KIF13A: variants seen among roughly 807,000 people sequenced by gnomAD.
The protein encoded by KIF13A is kinesin family member 13A.
Under a neutral mutation model 212.2 loss-of-function variants are expected in KIF13A, and 79 were observed. The ratio of observed to expected loss-of-function variants is 0.37; its 90% CI spans 0.31 to 0.45. The LOEUF is 0.45. Among genes scored for constraint, KIF13A ranks in the 20% least tolerant of loss-of-function variants. The pLI, the probability that KIF13A is intolerant of heterozygous loss-of-function variation, is 1.00. For missense variants in KIF13A, 1,901 were observed against 2,209.0 expected (o/e 0.86, Z 2.79); for synonymous variants, 789 against 808.6 (o/e 0.98, Z 0.41).
downstream of KIF13A, among the ~76,000 whole-genome samples, chr6:17,761,868 C>T (rs1045297888): frequency 6.6e-6 from 1 of 152,104 alleles, no homozygotes; most frequent in African/African-American, 2.4e-5. Flanking sequence ...TGTTGCTCCT[C>T]TTCCCTCTTC....
intron 20 of KIF13A, among the ~76,000 whole-genome samples, chr6:17,802,913 A>AT (rs58703798): frequency 0.38 from 55,073 of 144,130 alleles, 11,357 homozygotes; most frequent in East Asian, 0.6. Context: ...TGCCTGGTTA[A>AT]TTTTTTTGTG....
rs1410400980 is a variant in KIF13A, at chr6:17,961,874, T to A, written c.146+25180A>T. ...CTCTGTATTCTAGGGTGCTTAGTGT[T>A]TGGTTGGCAACATTGTCTATTTTCC... is the stretch of plus-strand genomic sequence containing the variant. On this transcript the variant is annotated intron_variant, in intron 2 of 38. Coordinates refer to ENST00000259711, the MANE Select transcript of KIF13A (RefSeq NM_022113.6). The surrounding 1 kb of genome is among the most constrained non-coding windows in gnomAD (Gnocchi z 4.1). 6.6e-6 allele frequency among the ~76,000 whole-genome samples: 1 copy of A among 152,194 alleles called. No homozygotes were observed. Among genetic ancestry groups the A allele is most frequent in the Non-Finnish European group, 1.5e-5 (1 of 68,042 alleles).
chr6:17,798,153 A>C (rs1432746437), intron 22 of KIF13A, among the ~76,000 whole-genome samples: 1 of 152,186 alleles, frequency 6.6e-6, no homozygotes, highest in East Asian at 1.9e-4. Flanking sequence ...CCAGAATTTA[A>C]GAAGAAAAAG....
At chr6:17,940,738 C>T (rs886906000) in intron 2 of KIF13A, among the ~76,000 whole-genome samples, 3 of 152,154 alleles carry the variant, frequency 2.0e-5, no homozygotes, top group African/African-American at 7.2e-5. Flanking sequence ...ACACATTTTC[C>T]CCCATAACAA....
intron 2 of KIF13A, among the ~76,000 whole-genome samples, chr6:17,920,955 TA>T (rs991630674): frequency 2.0e-5 from 3 of 152,050 alleles, no homozygotes; most frequent in African/African-American, 7.2e-5. Flanking sequence ...AGTTTGCCCT[TA>T]AAGGGTCATA....
intron 2 of KIF13A, among the ~76,000 whole-genome samples, chr6:17,933,597 G>C (rs773553537): frequency 3.3e-5 from 5 of 151,976 alleles, no homozygotes; most frequent in Non-Finnish European, 7.4e-5. Context: ...ACATAAGAAG[G>C]AGTAGAAATC....
At chr6:17,973,971 A>G (rs1414480502) in intron 2 of KIF13A, among the ~76,000 whole-genome samples, 2 of 152,260 alleles carry the variant, frequency 1.3e-5, no homozygotes, top group Non-Finnish European at 1.5e-5. Context: ...TTGCATTTAG[A>G]TAAGTTAGGT....
intron 2 of KIF13A, among the ~76,000 whole-genome samples, chr6:17,974,370 G>A (rs1780088016): frequency 6.6e-6 from 1 of 152,168 alleles, no homozygotes; most frequent in Non-Finnish European, 1.5e-5. Context: ...GAGCCACTGC[G>A]CCCGGCGGGA....
chr6:17,884,336 T>C (rs1261793024), intron 3 of KIF13A, among the ~76,000 whole-genome samples: 2 of 152,236 alleles, frequency 1.3e-5, no homozygotes. Flanking sequence ...CATTATGTAC[T>C]GATGGACTTC....
At chr6:17,981,597 G>C (rs2150642068) in intron 2 of KIF13A, among the ~76,000 whole-genome samples, 1 of 151,500 alleles carries the variant, frequency 6.6e-6, no homozygotes, top group Admixed American at 6.6e-5. Flanking sequence ...CTAATTTTTT[G>C]TATTTTAGTA....
rs1050527744 is a variant in KIF13A at position 17,918,292 on chromosome 6, A to G, written c.147-20112T>C. ...GGATAAATGTTTACTGAATAAATAC[A>G]TACATGCATAAAAAATAGTCTCAGA... is the stretch of plus-strand genomic sequence containing the variant. On this transcript the variant is annotated intron_variant, in intron 2 of 38. Transcript: ENST00000259711. This position sits in a 1 kb window ranked among gnomAD's most constrained non-coding sequence, Gnocchi z 4.8. Among the ~76,000 whole-genome samples, 2 of 152,154 alleles carry G rather than the reference A, an allele frequency of 1.3e-5. No individual in the cohort carries two copies. The highest frequency in any genetic ancestry group is 2.9e-5 in the Non-Finnish European group (2 of 68,034).
Position 17,794,529 on chromosome 6 carries a change from C to A in KIF13A, c.3075+43G>T. The stretch of plus-strand genomic sequence containing the variant: ...CCAGAAACAATGTGTAAGAGTGGAA[C>A]AGAGAGAAAACATTAAAAAAAAACC... On this transcript the variant is annotated intron_variant, in intron 24 of 38. Coordinates refer to ENST00000259711, the MANE Select transcript of KIF13A (RefSeq NM_022113.6). The surrounding 1 kb of genome is among the most constrained non-coding windows in gnomAD (Gnocchi z 4.1). 1 of 1,579,680 alleles carries A rather than the reference C, an allele frequency of 6.3e-7. No homozygotes were observed. Among genetic ancestry groups the A allele is most frequent in the South Asian group, 1.2e-5 (1 of 84,892 alleles).
chr6:17,793,334 A>C (rs1761752404), intron 25 of KIF13A, among the ~76,000 whole-genome samples: 1 of 151,848 alleles, frequency 6.6e-6, no homozygotes, highest in South Asian at 2.1e-4. Context: ...CTCCCACCTC[A>C]GCCTCCCAAA....
At chr6:17,780,697 A>G (rs1760487416) in intron 31 of KIF13A, 33 bp downstream of exon 31, 1 of 1,600,042 alleles carries the variant, frequency 6.2e-7, no homozygotes, top group Non-Finnish European at 8.6e-7. Flanking sequence ...TTGAGCTCAG[A>G]GCCAGAATGG....
intron 3 of KIF13A, among the ~76,000 whole-genome samples, chr6:17,880,205 T>C (rs1231885681): frequency 2.0e-5 from 3 of 152,182 alleles, no homozygotes. Flanking sequence ...ATCTTCCTGC[T>C]TTGGCTTCCC....
intron 2 of KIF13A, among the ~76,000 whole-genome samples, chr6:17,972,237 T>C (rs1014622484): frequency 2.0e-5 from 3 of 152,248 alleles, no homozygotes; most frequent in African/African-American, 4.8e-5. Context: ...AACATTATCC[T>C]TGAAACAAGT....
chr6:17,808,723 T>A, intron 18 of KIF13A, 45 bp downstream of exon 18: 1 of 1,544,882 alleles, frequency 6.5e-7, no homozygotes, highest in Non-Finnish European at 8.8e-7. Flanking sequence ...TTTTACAATA[T>A]TTACTATTGT....
At chr6:17,796,996 G>C (rs1233484900) in intron 22 of KIF13A, among the ~76,000 whole-genome samples, 176 bp from the exon 23 acceptor site, 1 of 151,956 alleles carries the variant, frequency 6.6e-6, no homozygotes, top group Non-Finnish European at 1.5e-5. Context: ...GATCTGGAAA[G>C]AAAATTGGGA....
intron 2 of KIF13A, among the ~76,000 whole-genome samples, chr6:17,923,696 C>T (rs190991209): frequency 6.6e-6 from 1 of 152,192 alleles, no homozygotes; most frequent in South Asian, 2.1e-4. Flanking sequence ...AGGGAGCAGA[C>T]CAAAATCTTT....
Sources: gnomAD v4.1 joint callset for allele counts (sites outside exome capture counted in the v4.1 genomes callset) on GRCh38, gnomAD v4.1.1 for gene constraint, Gnocchi (gnomAD v3.1) non-coding constraint, MANE v1.5 for transcripts, NCBI Gene and HGNC (gene_info 2026-07-23, HGNC 2026-07-21) for gene names.